The following CDH13 variants were observed in gnomAD, a reference collection of about 807,000 sequenced individuals.
CDH13 encodes the protein cadherin-13.
Under a neutral mutation model 63.8 loss-of-function variants are expected in CDH13, and 24 were observed. The observed-to-expected ratio is 0.38, with a 90% CI of 0.27 to 0.53. The LOEUF (loss-of-function observed/expected upper bound fraction) is 0.53, where lower values mean the gene tolerates loss of function less well. CDH13 is among the 20% of genes least tolerant of loss of function. The pLI is 0.85. For synonymous variants in CDH13, 503 were observed against 355.3 expected, an observed-to-expected ratio of 1.42 and a Z score of -4.67; for missense variants, 1,049 against 903.1, an observed-to-expected ratio of 1.16 and a Z score of -2.07.
intron 7 of CDH13, among the ~76,000 whole-genome samples, chr16:83,596,003 C>T (rs763036336): frequency 4.1e-4 from 63 of 152,214 alleles, no homozygotes; most frequent in Non-Finnish European, 8.4e-4. Flanking sequence ...CAGAGCAGCA[C>T]CTTTTGCAAA....
intron 5 of CDH13, among the ~76,000 whole-genome samples, chr16:83,227,695 C>G (rs1054377225): frequency 6.6e-6 from 1 of 152,124 alleles, no homozygotes; most frequent in African/African-American, 2.4e-5. Flanking sequence ...TTTTGGCCAG[C>G]TGAGTCTTCT....
intron 6 of CDH13, among the ~76,000 whole-genome samples, chr16:83,373,259 G>A (rs1368957429): frequency 1.3e-5 from 2 of 152,144 alleles, no homozygotes; most frequent in Admixed American, 6.5e-5. Context: ...AGTTACAAAG[G>A]GGAATTGCAA....
intron 10 of CDH13, among the ~76,000 whole-genome samples, chr16:83,690,936 G>A (rs974663612): frequency 1.3e-5 from 2 of 152,038 alleles, no homozygotes; most frequent in African/African-American, 4.8e-5. Context: ...TGTCCAGGCT[G>A]GTCTGGAACT....
intron 12 of CDH13, among the ~76,000 whole-genome samples, chr16:83,782,419 G>T (rs1447617707): frequency 6.7e-6 from 1 of 149,982 alleles, no homozygotes; most frequent in African/African-American, 2.4e-5. Context: ...ATGTAGAGCT[G>T]TGGACAGAGG....
chr16:83,146,947 G>A (rs906470686), intron 4 of CDH13, among the ~76,000 whole-genome samples: 1 of 152,054 alleles, frequency 6.6e-6, no homozygotes, highest in African/African-American at 2.4e-5. Context: ...AATTAGCCTG[G>A]TGTGGTGGCA....
chr16:83,572,288 G>T (rs1904710750), intron 7 of CDH13, among the ~76,000 whole-genome samples: 1 of 151,636 alleles, frequency 6.6e-6, no homozygotes, highest in African/African-American at 2.4e-5. Flanking sequence ...CTGGGTTCAG[G>T]CGATTCTCAT....
chr16:82,930,749 A>G (rs1009396853), intron 2 of CDH13, among the ~76,000 whole-genome samples: 2 of 152,214 alleles, frequency 1.3e-5, no homozygotes, highest in African/African-American at 2.4e-5. Flanking sequence ...AGCATTGGTG[A>G]TGCCCAGATA....
At chr16:83,608,522 C>G (rs896430949) in intron 8 of CDH13, among the ~76,000 whole-genome samples, 3 of 152,086 alleles carry the variant, frequency 2.0e-5, no homozygotes, top group Non-Finnish European at 4.4e-5. Context: ...TTCTGTCACC[C>G]AGGCTGGAGT....
intron 1 of CDH13, among the ~76,000 whole-genome samples, chr16:82,766,765 G>T (rs2035070435): frequency 6.6e-6 from 1 of 151,694 alleles, no homozygotes; most frequent in African/African-American, 2.4e-5. Context: ...GCATTCCTCG[G>T]TGCAAAATAT....
At chr16:82,961,693 A>C (rs989595958) in intron 2 of CDH13, among the ~76,000 whole-genome samples, 1 of 152,118 alleles carries the variant, frequency 6.6e-6, no homozygotes, top group Admixed American at 6.6e-5. Flanking sequence ...TGCTATTCCA[A>C]CGTACAGCCA....
At chr16:83,293,128 G>T (rs1014737072) in intron 5 of CDH13, among the ~76,000 whole-genome samples, 3 of 152,280 alleles carry the variant, frequency 2.0e-5, no homozygotes, top group South Asian at 2.1e-4. Flanking sequence ...TCTTTCTAAA[G>T]ATGGGTTATC....
intron 7 of CDH13, among the ~76,000 whole-genome samples, chr16:83,521,322 A>G (rs2074829848): frequency 6.6e-6 from 1 of 151,828 alleles, no homozygotes; most frequent in Non-Finnish European, 1.5e-5. Flanking sequence ...GAGAGAAGGT[A>G]CTCTTTGCTC....
chr16:82,786,769 C>G (rs190736283), intron 1 of CDH13, among the ~76,000 whole-genome samples: 8 of 151,688 alleles, frequency 5.3e-5, no homozygotes, highest in Non-Finnish European at 7.4e-5. Context: ...GTTTTCTGTC[C>G]TTGCAATCGT....
At chr16:83,143,068 C>T (rs566650408) in intron 4 of CDH13, among the ~76,000 whole-genome samples, 2 of 152,250 alleles carry the variant, frequency 1.3e-5, no homozygotes, top group Admixed American at 6.5e-5. Context: ...CGTGCCGTTG[C>T]GCTCCAGCCT....
At position 83,798,805 on chromosome 16, in the gene CDH13, C is replaced by T. The variant is rs1904297010; in HGVS notation, c.*3775C>T. On this transcript the variant is annotated 3_prime_UTR_variant, in exon 14 of 14. Coordinates refer to ENST00000567109, the MANE Select transcript of CDH13 (RefSeq NM_001257.5). ...TTTACTATTAAGTACCTTTTACTAACAGTATCTTCTGTTACCTATTATTAA... is the reference window on the plus strand; with the variant it reads ...TTTACTATTAAGTACCTTTTACTAATAGTATCTTCTGTTACCTATTATTAA... 6.6e-6 allele frequency: 1 copy of T among 152,062 alleles called. No individual in the cohort carries two copies. The highest frequency in any genetic ancestry group is 2.1e-4 in the South Asian group (1 of 4,824). 9.4% of individuals were successfully genotyped at this position (152,062 alleles called of 1,614,324 possible). A position where few individuals can be genotyped will look rare whatever the true frequency, so the allele number is the denominator to read the frequency against.
At position 83,496,975 on chromosome 16, in the gene CDH13, C is replaced by T. The variant is rs546738592; in HGVS notation, c.960+10320C>T. Among the ~76,000 whole-genome samples, 7 of 152,292 alleles carry T rather than the reference C, an allele frequency of 4.6e-5. No homozygotes were observed. In the East Asian group the frequency reaches 1.2e-3, roughly 25 times the overall value. ...ACCACAATGAGATACCATCTCACAC[C>T]AGTTAGAATGGCGATCATTCAAATG... is the stretch of plus-strand genomic sequence containing the variant. On this transcript the variant is annotated intron_variant, in intron 7 of 13. Transcript: ENST00000567109.
intron 2 of CDH13, among the ~76,000 whole-genome samples, chr16:82,896,578 G>A (rs1388132197): frequency 2.6e-5 from 4 of 151,720 alleles, no homozygotes; most frequent in Non-Finnish European, 5.9e-5. Flanking sequence ...TTACAGGTGT[G>A]AGCCAAGGTG....
chr16:83,023,284 G>A (rs1183233007), intron 2 of CDH13, among the ~76,000 whole-genome samples: 2 of 150,490 alleles, frequency 1.3e-5, no homozygotes, highest in Non-Finnish European at 2.9e-5. Context: ...TTTCCCCCAG[G>A]TGGGGTGTTT....
chr16:83,734,725 A>C (rs1018280178), intron 10 of CDH13, among the ~76,000 whole-genome samples: 6 of 130,256 alleles, frequency 4.6e-5, no homozygotes, highest in Non-Finnish European at 9.5e-5. Flanking sequence ...TAAAACTTAA[A>C]GTATAATAAT....
Sources: allele counts gnomAD v4.1 joint callset (sites outside exome capture counted in the v4.1 genomes callset), GRCh38; gene constraint gnomAD v4.1.1; transcripts MANE v1.5; gene names NCBI Gene and HGNC (gene_info 2026-07-23, HGNC 2026-07-21).